The following GC variants were observed in gnomAD, a reference collection of about 807,000 sequenced individuals.
GC encodes the protein vitamin D-binding protein.
GC carries 43 observed loss-of-function variants against 56.7 expected under a neutral mutation model. The ratio of observed to expected loss-of-function variants is 0.76; its 90% CI spans 0.59 to 0.98. The LOEUF is 0.98. Ranked by LOEUF, GC falls within the 50% of genes least tolerant of loss-of-function variation. The pLI is 0.00. For missense variants in GC, 529 were observed against 545.9 expected, an observed-to-expected ratio of 0.97 and a Z score of 0.31; for synonymous variants, 216 against 202.7, an observed-to-expected ratio of 1.07 and a Z score of -0.56.
chr4:71,777,695 AT>A (rs1350586216), intron 1 of GC, among the ~76,000 whole-genome samples: 4 of 151,242 alleles, frequency 2.6e-5, no homozygotes, highest in Non-Finnish European at 5.9e-5. Flanking sequence ...AAAATAACAA[AT>A]TTACTTTCGT....
At chr4:71,786,875 C>A (rs563401139), upstream of GC, among the ~76,000 whole-genome samples, 1 of 151,946 alleles carries the variant, frequency 6.6e-6, no homozygotes, top group South Asian at 2.1e-4. Flanking sequence ...CGTTCAGATT[C>A]TCTTTATACT....
intron 8 of GC, among the ~76,000 whole-genome samples, chr4:71,756,060 A>G (rs759288451): frequency 6.6e-6 from 1 of 151,830 alleles, no homozygotes; most frequent in Non-Finnish European, 1.5e-5. Flanking sequence ...ATTTCTTTGC[A>G]TTAAATCTCT....
intron 3 of GC, among the ~76,000 whole-genome samples, chr4:71,766,575 A>G (rs1286847400): frequency 6.6e-6 from 1 of 152,230 alleles, no homozygotes; most frequent in African/African-American, 2.4e-5. Context: ...ACATTCTTAT[A>G]CTTAATTTAT....
chr4:71,755,996 G>T (rs1741755974), intron 8 of GC, among the ~76,000 whole-genome samples: 1 of 151,980 alleles, frequency 6.6e-6, no homozygotes, highest in Non-Finnish European at 1.5e-5. Flanking sequence ...TCAAACCATG[G>T]TATATTTTTA....
chr4:71,805,042 C>T (rs1743332521), upstream of GC, among the ~76,000 whole-genome samples: 1 of 152,074 alleles, frequency 6.6e-6, no homozygotes, highest in South Asian at 2.1e-4. Context: ...GTTACTGGTA[C>T]CCATTGCCCT....
intron 1 of GC, among the ~76,000 whole-genome samples, chr4:71,799,547 C>G (rs1290564142): frequency 6.6e-6 from 1 of 152,160 alleles, no homozygotes; most frequent in Non-Finnish European, 1.5e-5. Flanking sequence ...AGTCCTAGGT[C>G]AGGAGAGGTA....
At chr4:71,771,859 C>T (rs1340453741) in intron 1 of GC, among the ~76,000 whole-genome samples, 2 of 152,128 alleles carry the variant, frequency 1.3e-5, no homozygotes, top group African/African-American at 2.4e-5. Flanking sequence ...ATAATTAGGG[C>T]TAGAACTGTC....
At chr4:71,772,389 G>A (rs955493750) in intron 1 of GC, among the ~76,000 whole-genome samples, 1 of 152,002 alleles carries the variant, frequency 6.6e-6, no homozygotes, top group African/African-American at 2.4e-5. Context: ...ATTCAAATGG[G>A]GTACCCCCGA....
At position 71,769,355 on chromosome 4, in the gene GC, A is replaced by G; in HGVS notation, c.104T>C (p.Leu35Pro). Residue 35 changes from leucine (L) to proline (P), a missense_variant, in exon 2 of 13, where the codon CTG (leucine) becomes CCG (proline). By Grantham distance (98) the Leu-to-Pro change is moderately conservative. Transcript: ENST00000273951. ...KNKVCKEFSH[L>P]GKEDFTSLSL... Reference sequence around the variant, plus strand: ...CAGAGATGTGAAGTCCTCCTTTCCCAGATGGGAGAATTCCTTGCAGACTTT... The same window carrying G: ...CAGAGATGTGAAGTCCTCCTTTCCCGGATGGGAGAATTCCTTGCAGACTTT... 2 of 1,612,920 alleles carry G rather than the reference A, an allele frequency of 1.2e-6. No homozygotes were observed. Among genetic ancestry groups the G allele is most frequent in the Non-Finnish European group, 1.7e-6 (2 of 1,179,064 alleles).
At chr4:71,767,694 C>T (rs915878000) in intron 3 of GC, among the ~76,000 whole-genome samples, 1 of 150,312 alleles carries the variant, frequency 6.7e-6, no homozygotes, top group Non-Finnish European at 1.5e-5. Flanking sequence ...GGGAACAAAA[C>T]TATTTTGTTT....
At chr4:71,744,256 C>G (rs1741279518) in intron 12 of GC, among the ~76,000 whole-genome samples, 1 of 143,450 alleles carries the variant, frequency 7.0e-6, no homozygotes, top group African/African-American at 2.6e-5. Context: ...TCCTGGCTAA[C>G]ACAGTGAAAC....
chr4:71,748,506 G>C (rs892429018), intron 11 of GC, among the ~76,000 whole-genome samples: 1 of 152,118 alleles, frequency 6.6e-6, no homozygotes, highest in African/African-American at 2.4e-5. Context: ...CTAGCAGTCT[G>C]TTGAAACATT....
chr4:71,756,824 C>T lies in GC; in HGVS notation c.922G>A (p.Val308Ile), dbSNP rs148501037. The T allele has an allele frequency of 3.9e-5, 63 of 1,612,920 alleles. 1 individual carries two copies. The highest frequency in any genetic ancestry group is 2.2e-4 in the East Asian group (10 of 44,880). Reference sequence around the variant, plus strand: ...GGCATGAAGTAAGTGCACACAAAAACGTCCATGGCTGTTTTTTCTTGACAA... The same window carrying T: ...GGCATGAAGTAAGTGCACACAAAAATGTCCATGGCTGTTTTTTCTTGACAA... ...DCCQEKTAMD[V>I]FVCTYFMPAA... is the part of the protein sequence containing the mutation. Residue 308 changes from valine to isoleucine, a missense_variant, in exon 8 of 13, where the codon GTT becomes ATT. Physicochemically the swap from Val to Ile is conservative, Grantham distance 29. Transcript: ENST00000273951.
chr4:71,756,626 C>T, intron 8 of GC, 86 bp downstream of exon 8: 1 of 805,632 alleles, frequency 1.2e-6, no homozygotes, highest in Non-Finnish European at 2.2e-6. Flanking sequence ...TGAGTGATAG[C>T]ATACCTTCCC....
intron 5 of GC, 133 bp from the exon 6 acceptor site, chr4:71,763,635 T>C (rs1742058189): frequency 4.0e-6 from 3 of 747,688 alleles, no homozygotes; most frequent in Non-Finnish European, 6.8e-6. Flanking sequence ...AAGGAACTTA[T>C]TGATATTACT....
chr4:71,765,641 G>T lies in GC; in HGVS notation c.264C>A (p.Thr88=), dbSNP rs781054459. 12 of 1,604,354 alleles carry T rather than the reference G, an allele frequency of 7.5e-6. No individual in the cohort carries two copies. The highest frequency in any genetic ancestry group is 1.7e-6 in the Non-Finnish European group (2 of 1,171,630). ...CACAGGACTTGGCAGACAGTGCTGA[G>T]GTCTGGAGGAGAAGGAAAAAGGAAA... ...GADPDCYDTR[T]SALSAKSCES... Residue 88 remains threonine (T), a splice_region_variant and synonymous_variant, in exon 4 of 13, where the codon ACC becomes ACA. Coordinates refer to ENST00000273951, the MANE Select transcript of GC (RefSeq NM_000583.4).
chr4:71,758,163 A>G lies in GC; in HGVS notation c.710T>C (p.Ile237Thr), dbSNP rs769811509. 1.2e-6 allele frequency: 2 copies of G among 1,612,860 alleles called. No homozygotes were observed. Residue 237 changes from isoleucine to threonine, a missense_variant, in exon 7 of 13, where the codon ATA becomes ACA. Physicochemically the swap from Ile to Thr is moderately conservative, Grantham distance 89 (BLOSUM62 -1). Transcript: ENST00000273951. ...GEKKSRLSNL[I>T]KLAQKVPTAD... is the part of the protein sequence containing the mutation. ...AGTAGGCACTTTTTGGGCTAACTTT[A>G]TGAGATTGCTAAACAGTTAAAAATA... is the stretch of plus-strand genomic sequence containing the variant.
At chr4:71,761,283 G>A (rs111879947) in intron 6 of GC, among the ~76,000 whole-genome samples, 67 of 152,210 alleles carry the variant, frequency 4.4e-4, no homozygotes, top group African/African-American at 1.2e-3. Flanking sequence ...ATTTTGCCCC[G>A]GCCCTGAAGA....
chr4:71,786,237 T>C (rs1159143653), upstream of GC, among the ~76,000 whole-genome samples: 2 of 151,800 alleles, frequency 1.3e-5, no homozygotes, highest in East Asian at 3.9e-4. Context: ...TAGCTAAATA[T>C]ATGAGCCTTT....
Sources: allele counts gnomAD v4.1 joint callset (sites outside exome capture counted in the v4.1 genomes callset), GRCh38; gene constraint gnomAD v4.1.1; transcripts MANE v1.5; gene names NCBI Gene and HGNC (gene_info 2026-07-23, HGNC 2026-07-21).